COLGALT2: variants seen among roughly 807,000 people sequenced by gnomAD.
The protein encoded by COLGALT2 is procollagen galactosyltransferase 2.
In COLGALT2, 49 loss-of-function variants were observed where a neutral mutation model predicts 73.4. The ratio of observed to expected loss-of-function variants is 0.67; its 90% CI spans 0.53 to 0.85. The LOEUF is 0.85. Ranked by LOEUF, COLGALT2 falls within the 40% of genes least tolerant of loss-of-function variation. The pLI, the probability that COLGALT2 is intolerant of heterozygous loss-of-function variation, is 0.00. For missense variants in COLGALT2, 722 were observed against 790.2 expected (o/e 0.91, Z 1.03); for synonymous variants, 295 against 307.6 (o/e 0.96, Z 0.43).
At chr1:183,943,019 G>A (rs999587470) in intron 10 of COLGALT2, among the ~76,000 whole-genome samples, 1 of 152,202 alleles carries the variant, frequency 6.6e-6, no homozygotes, top group South Asian at 2.1e-4. Flanking sequence ...CACAGGCTGC[G>A]GAGCCATCCA....
chr1:184,030,500 A>G (rs1370214842), intron 1 of COLGALT2, among the ~76,000 whole-genome samples: 1 of 152,208 alleles, frequency 6.6e-6, no homozygotes, highest in Non-Finnish European at 1.5e-5. Flanking sequence ...AAGCCTTATA[A>G]TGGTCCTACT....
intron 1 of COLGALT2, among the ~76,000 whole-genome samples, chr1:183,991,450 A>C (rs1272252437): frequency 1.3e-5 from 2 of 152,210 alleles, no homozygotes; most frequent in East Asian, 3.8e-4. Context: ...ATAAATTTAC[A>C]AACTGAATTC....
chr1:183,970,351 C>A (rs1477545617), intron 4 of COLGALT2, among the ~76,000 whole-genome samples: 1 of 152,208 alleles, frequency 6.6e-6, no homozygotes, highest in African/African-American at 2.4e-5. Flanking sequence ...TGATGGCAGG[C>A]TCACTGGAAT....
intron 8 of COLGALT2, among the ~76,000 whole-genome samples, chr1:183,950,164 C>T (rs916111116): frequency 5.9e-5 from 9 of 152,164 alleles, no homozygotes; most frequent in Non-Finnish European, 1.0e-4. Flanking sequence ...AATGCAGATC[C>T]TGGGTCCAGC....
At chr1:183,971,671 A>G (rs1355248780) in intron 4 of COLGALT2, among the ~76,000 whole-genome samples, 2 of 152,250 alleles carry the variant, frequency 1.3e-5, no homozygotes, top group South Asian at 2.1e-4. Flanking sequence ...TCTTACAGCT[A>G]GAAGAAATAA....
At chr1:183,956,562 C>T (rs1283595143) in intron 6 of COLGALT2, among the ~76,000 whole-genome samples, 2 of 152,142 alleles carry the variant, frequency 1.3e-5, no homozygotes, top group African/African-American at 4.8e-5. Flanking sequence ...TCTCACTCTC[C>T]CTCCTGGGGC....
At chr1:183,988,809 G>C (rs1033593112) in intron 1 of COLGALT2, among the ~76,000 whole-genome samples, 1 of 152,100 alleles carries the variant, frequency 6.6e-6, no homozygotes, top group East Asian at 1.9e-4. Flanking sequence ...TTCATGTACA[G>C]GTTTTTGTGT....
At chr1:183,946,790 G>C (rs988904193) in intron 8 of COLGALT2, among the ~76,000 whole-genome samples, 4 of 152,174 alleles carry the variant, frequency 2.6e-5, no homozygotes, top group African/African-American at 9.6e-5. Flanking sequence ...CCACGACTTT[G>C]GGAGGCCGAG....
chr1:183,946,386 T>C (rs183219551), intron 8 of COLGALT2: 8 of 152,316 alleles, frequency 5.3e-5, no homozygotes, highest in Admixed American at 3.9e-4. Flanking sequence ...GCCCCAGGCA[T>C]ATTCAGGGCT....
At position 184,027,355 on chromosome 1, in the gene COLGALT2, C is replaced by A. The variant is rs562628500; in HGVS notation, c.263+9740G>T. On this transcript the variant is annotated intron_variant, in intron 1 of 11. Coordinates refer to ENST00000361927, the MANE Select transcript of COLGALT2 (RefSeq NM_015101.4). Reference sequence around the variant, plus strand: ...GTTCCCAAACCAAGAAGAAGTGCATCCAAATCACTTATGTACATGCTTAAC... The same window carrying A: ...GTTCCCAAACCAAGAAGAAGTGCATACAAATCACTTATGTACATGCTTAAC... Among the ~76,000 whole-genome samples the A allele has an allele frequency of 3.9e-5, 6 of 152,262 alleles. No individual in the cohort carries two copies. In the South Asian group the frequency reaches 1.2e-3, roughly 32 times the overall value.
At chr1:183,954,392 G>A (rs1215841722) in intron 7 of COLGALT2, among the ~76,000 whole-genome samples, 1 of 152,110 alleles carries the variant, frequency 6.6e-6, no homozygotes, top group Non-Finnish European at 1.5e-5. Context: ...CTCAGATGTG[G>A]CAGAATAAAA....
chr1:184,008,826 G>A (rs1049577060), intron 1 of COLGALT2, among the ~76,000 whole-genome samples: 1 of 152,054 alleles, frequency 6.6e-6, no homozygotes, highest in African/African-American at 2.4e-5. Flanking sequence ...AAAATACACT[G>A]AAGTATTTTT....
intron 1 of COLGALT2, among the ~76,000 whole-genome samples, chr1:184,035,641 T>A (rs1221247741): frequency 1.3e-5 from 2 of 152,216 alleles, no homozygotes; most frequent in Non-Finnish European, 2.9e-5. Context: ...ACCAACTTCT[T>A]ATGGTAAATA....
At position 183,969,268 on chromosome 1, in the gene COLGALT2, C is replaced by T. The variant is rs1295621995; in HGVS notation, c.832+1G>A. 5.0e-6 allele frequency: 8 copies of T among 1,608,286 alleles called. No individual in the cohort carries two copies. The highest frequency in any genetic ancestry group is 6.8e-6 in the Non-Finnish European group (8 of 1,177,054). ...GCACTACAACCAAAGACAAACAGTA[C>T]CTGCTTGCCTGCTGGAGAAGGCAAA... On this transcript the variant is annotated splice_donor_variant, in intron 5 of 11. Coordinates refer to ENST00000361927, the MANE Select transcript of COLGALT2 (RefSeq NM_015101.4). LOFTEE classifies it high-confidence loss of function.
chr1:183,960,626 T>C (rs767696462), intron 6 of COLGALT2, among the ~76,000 whole-genome samples: 17 of 152,250 alleles, frequency 1.1e-4, no homozygotes, highest in South Asian at 2.1e-4. Context: ...CATTCTATGT[T>C]TGCTCATGAA....
At chr1:183,940,213 C>G (rs1670069591) in intron 11 of COLGALT2, among the ~76,000 whole-genome samples, 1 of 152,202 alleles carries the variant, frequency 6.6e-6, no homozygotes, top group African/African-American at 2.4e-5. Flanking sequence ...CAACAGTACC[C>G]AATGACCTGA....
chr1:183,984,512 A>G (rs187695991), intron 1 of COLGALT2, among the ~76,000 whole-genome samples: 1 of 152,302 alleles, frequency 6.6e-6, no homozygotes, highest in Admixed American at 6.5e-5. Context: ...CTTTACCTCT[A>G]AGGAGCCCTG....
chr1:183,991,695 G>C (rs1671632044), intron 1 of COLGALT2, among the ~76,000 whole-genome samples: 2 of 152,158 alleles, frequency 1.3e-5, no homozygotes, highest in Admixed American at 6.5e-5. Context: ...TGGCGGTGGT[G>C]GGGGAATGTT....
chr1:184,021,353 C>T (rs1649176572), intron 1 of COLGALT2, among the ~76,000 whole-genome samples: 1 of 152,130 alleles, frequency 6.6e-6, no homozygotes, highest in Non-Finnish European at 1.5e-5. Context: ...ACTTGATCCC[C>T]AATGTGGTAA....
Sources: allele counts gnomAD v4.1 joint callset (sites outside exome capture counted in the v4.1 genomes callset), GRCh38; gene constraint gnomAD v4.1.1; transcripts MANE v1.5; gene names NCBI Gene and HGNC (gene_info 2026-07-23, HGNC 2026-07-21).